PCGF5: variants seen among roughly 807,000 people sequenced by gnomAD.
PCGF5 encodes polycomb group ring finger 5, also known as polycomb group RING finger protein 5.
A neutral mutation model predicts 44.3 loss-of-function variants in PCGF5; 9 were observed. The ratio of observed to expected loss-of-function variants is 0.20; its 90% confidence interval spans 0.12 to 0.35. PCGF5 has a LOEUF of 0.35. PCGF5 is among the 10% of genes least tolerant of loss of function. The probability of loss-of-function intolerance (pLI) is 1.00; values close to 1 mark genes in which losing one functional copy is unlikely to be tolerated. For synonymous variants in PCGF5, 95 were observed against 102.5 expected (o/e 0.93, Z 0.44); for missense variants, 146 against 305.3 (o/e 0.48, Z 3.89).
chr10:91,260,729 A>G (rs1457042765), intron 6 of PCGF5, among the ~76,000 whole-genome samples: 5 of 145,792 alleles, frequency 3.4e-5, no homozygotes, highest in African/African-American at 1.0e-4. Flanking sequence ...CAAACACCGC[A>G]TGTTCTCACT....
At chr10:91,174,836 G>A (rs7908053) in intron 1 of PCGF5, among the ~76,000 whole-genome samples, 11,684 of 152,224 alleles carry the variant, frequency 0.077, 1,018 homozygotes, top group African/African-American at 0.21. Context: ...TGGATGGAAC[G>A]CATGTGTTTA....
chr10:91,234,383 C>A (rs1845093392), intron 2 of PCGF5, among the ~76,000 whole-genome samples: 1 of 152,162 alleles, frequency 6.6e-6, no homozygotes, highest in Admixed American at 6.5e-5. Flanking sequence ...GGACACACAC[C>A]TCACCCTACC....
In PCGF5 at chr10:91,278,529, A is replaced by T. The variant is rs1846372577; in HGVS notation, c.*213A>T. The T allele has an allele frequency of 5.4e-6, 3 of 556,944 alleles. No homozygotes were observed. The highest frequency in any genetic ancestry group is 3.8e-5 in the African/African-American group (2 of 52,914). The allele number at this position is 556,944 out of a possible 1,614,324, so 34.5% of individuals were successfully genotyped here. The stretch of plus-strand genomic sequence containing the variant: ...ATTCTGCTACTGAACCATCTGCATA[A>T]GGTATTTGTGTTGTCTCAAAGTGTG... On this transcript the variant is annotated 3_prime_UTR_variant, in exon 10 of 10. Coordinates refer to ENST00000336126, the MANE Select transcript of PCGF5 (RefSeq NM_032373.5).
At chr10:91,246,494 T>C (rs1845462482) in intron 3 of PCGF5, among the ~76,000 whole-genome samples, 1 of 152,134 alleles carries the variant, frequency 6.6e-6, no homozygotes, top group Non-Finnish European at 1.5e-5. Flanking sequence ...TATAAACACA[T>C]GAAGTCAGGT....
chr10:91,228,996 A>C (rs117186046), intron 2 of PCGF5, among the ~76,000 whole-genome samples: 31 of 152,354 alleles, frequency 2.0e-4, no homozygotes, highest in Non-Finnish European at 3.4e-4. Context: ...CATCCTTTAA[A>C]GTAGGCAGTT....
At chr10:91,243,245 T>A (rs1845377126) in intron 3 of PCGF5, among the ~76,000 whole-genome samples, 1 of 152,214 alleles carries the variant, frequency 6.6e-6, no homozygotes, top group Non-Finnish European at 1.5e-5. Flanking sequence ...ACAGCAGGCT[T>A]CTTTTTAGCC....
intron 1 of PCGF5, among the ~76,000 whole-genome samples, chr10:91,209,910 G>A (rs1844417713): frequency 6.6e-6 from 1 of 152,186 alleles, no homozygotes; most frequent in African/African-American, 2.4e-5. Context: ...CAATATGCAC[G>A]TGTCAACTCA....
At chr10:91,163,367 C>T (rs922726257) in intron 1 of PCGF5, among the ~76,000 whole-genome samples, 2 of 151,842 alleles carry the variant, frequency 1.3e-5, no homozygotes, top group Non-Finnish European at 2.9e-5. Context: ...GGAACTTTCT[C>T]TTCCCCAGAG....
At chr10:91,256,001 T>C (rs1845743418) in intron 6 of PCGF5, among the ~76,000 whole-genome samples, 1 of 152,088 alleles carries the variant, frequency 6.6e-6, no homozygotes, top group Non-Finnish European at 1.5e-5. Context: ...TTGTTATTTT[T>C]ATTGTTTTTA....
rs893985664 is a variant in PCGF5, at chr10:91,266,486, A to G, written c.663+1966A>G. Among the ~76,000 whole-genome samples the G allele has an allele frequency of 4.6e-5, 7 of 152,246 alleles. 1 individual carries two copies. Among genetic ancestry groups the G allele is most frequent in the African/African-American group, 1.7e-4 (7 of 41,470 alleles). On this transcript the variant is annotated intron_variant, in intron 8 of 9. Coordinates refer to ENST00000336126, the MANE Select transcript of PCGF5 (RefSeq NM_032373.5). ...TTTAAATTTTTTGGTTGTTTAAGGC[A>G]TATTTTAATAAAAGTTCAAAAAGTG...
intron 1 of PCGF5, among the ~76,000 whole-genome samples, chr10:91,177,262 T>C (rs1194802271): frequency 1.3e-5 from 2 of 151,352 alleles, no homozygotes; most frequent in African/African-American, 4.9e-5. Flanking sequence ...ATCGTTCCTC[T>C]GGAAGTTTTG....
chr10:91,269,904 G>C (rs953677071), intron 8 of PCGF5, among the ~76,000 whole-genome samples: 3 of 151,992 alleles, frequency 2.0e-5, no homozygotes, highest in African/African-American at 7.3e-5. Context: ...TTGCTGTTAT[G>C]TGTTACAGCT....
chr10:91,176,598 C>T (rs914353845), intron 1 of PCGF5, among the ~76,000 whole-genome samples: 6 of 152,012 alleles, frequency 3.9e-5, no homozygotes, highest in Non-Finnish European at 7.4e-5. Flanking sequence ...TTCTTGGAGG[C>T]CTTGTTCATT....
upstream of PCGF5, among the ~76,000 whole-genome samples, chr10:91,216,761 G>T (rs1347755395): frequency 2.6e-5 from 4 of 152,122 alleles, no homozygotes; most frequent in Non-Finnish European, 5.9e-5. Flanking sequence ...GAAAGACATG[G>T]TCAAGGGTGA....
chr10:91,220,936 G>C (rs1256291437), intron 1 of PCGF5, 100 bp downstream of exon 1: 1 of 152,298 alleles, frequency 6.6e-6, no homozygotes, highest in Non-Finnish European at 1.5e-5. Context: ...TGCCCTGGCC[G>C]GCCCAGCCTG....
At chr10:91,185,193 G>A (rs1043687003) in intron 1 of PCGF5, among the ~76,000 whole-genome samples, 1 of 148,042 alleles carries the variant, frequency 6.8e-6, no homozygotes, top group African/African-American at 2.5e-5. Flanking sequence ...ATCTCTGTCA[G>A]CCAGAAAACA....
At position 91,212,383 on chromosome 10, in the gene PCGF5, ACATG is replaced by A. The variant is rs1170197266; in HGVS notation, c.-183-10304_-183-10301del. ...CATCCCCATTTCACAGATTTGATGA[ACATG>A]CTTAAAAGCCATTGAGAAATAATTA... On this transcript the variant is annotated intron_variant, in intron 1 of 9. Transcript: ENST00000614189. Among the ~76,000 whole-genome samples the A allele has an allele frequency of 1.9e-4, 29 of 152,244 alleles. 1 individual carries two copies. The highest frequency in any genetic ancestry group is 1.9e-3 in the Admixed American group (29 of 15,286).
chr10:91,156,363 G>A, the PCGF5 span, among the ~76,000 whole-genome samples: 1 of 152,170 alleles, frequency 6.6e-6, no homozygotes, highest in South Asian at 2.1e-4. Context: ...TGATTGTGGT[G>A]CAAAAGATAC....
intron 6 of PCGF5, among the ~76,000 whole-genome samples, chr10:91,253,260 G>A (rs900751046): frequency 5.3e-5 from 8 of 151,984 alleles, no homozygotes; most frequent in African/African-American, 9.7e-5. Flanking sequence ...CAGGTTTGGC[G>A]TAAGGTTATT....
Sources: gnomAD v4.1 joint callset for allele counts (sites outside exome capture counted in the v4.1 genomes callset) on GRCh38, gnomAD v4.1.1 for gene constraint, MANE v1.5 for transcripts, NCBI Gene and HGNC (gene_info 2026-07-23, HGNC 2026-07-21) for gene names.